The following IGF2R variants were observed in gnomAD, a reference collection of about 807,000 sequenced individuals.
The protein encoded by IGF2R is insulin like growth factor 2 receptor, also known as cation-independent mannose-6-phosphate receptor.
Under a neutral mutation model 270.6 loss-of-function variants are expected in IGF2R, and 91 were observed. The ratio of observed to expected loss-of-function variants is 0.34; its 90% CI spans 0.28 to 0.40. The LOEUF (loss-of-function observed/expected upper bound fraction) is 0.40, where lower values mean the gene tolerates loss of function less well. IGF2R is among the 10% of genes least tolerant of loss of function. IGF2R has a pLI of 1.00. For synonymous variants in IGF2R, 1,316 were observed against 1,258.9 expected, an observed-to-expected ratio of 1.05 and a Z score of -0.96; for missense variants, 2,805 against 3,188.3, an observed-to-expected ratio of 0.88 and a Z score of 2.90.
At chr6:159,981,161 T>C (rs1562331070) in intron 1 of IGF2R, among the ~76,000 whole-genome samples, 1 of 152,234 alleles carries the variant, frequency 6.6e-6, no homozygotes, top group Admixed American at 6.5e-5. Context: ...AGCTCTGGAC[T>C]CACCTGTCTC....
At position 160,111,042 on chromosome 6, in the gene IGF2R, A is replaced by G. The variant is rs1411880756; in HGVS notation, c.*5958A>G. On this transcript the variant is annotated 3_prime_UTR_variant, in exon 48 of 48. Transcript: ENST00000356956. ...ACTGCTTTGTGTATTTAAAATTTTC[A>G]GAGAGTAGATCTTGTGTTCTTTCCC... The G allele has an allele frequency of 1.3e-5, 2 of 152,220 alleles. No homozygotes were observed. Among genetic ancestry groups the G allele is most frequent in the African/African-American group, 4.8e-5 (2 of 41,458 alleles). The allele number at this position is 152,220 out of a possible 1,614,324, so 9.4% of individuals were successfully genotyped here.
intron 15 of IGF2R, among the ~76,000 whole-genome samples, 186 bp downstream of exon 15, chr6:160,046,831 C>T (rs2115247901): frequency 1.3e-5 from 2 of 152,344 alleles, no homozygotes; most frequent in South Asian, 4.1e-4. Flanking sequence ...GCAGGCCCAT[C>T]CTTGGGAAAG....
intron 1 of IGF2R, among the ~76,000 whole-genome samples, chr6:159,979,341 A>C (rs1783743655): frequency 6.6e-6 from 1 of 152,224 alleles, no homozygotes; most frequent in Admixed American, 6.5e-5. Flanking sequence ...GAAGTGCTAA[A>C]GTAGTGAGTT....
At position 160,012,765 on chromosome 6, in the gene IGF2R, T is replaced by TATA. The variant is rs1562343074; in HGVS notation, c.513+1980_513+1981insATA. ...CTAATTTATATATATATATATATAT[T>TATA]TTTTTTTTTTTTTGTTTGTTTGTTT... is the stretch of plus-strand genomic sequence containing the variant. On this transcript the variant is annotated intron_variant, in intron 4 of 47. Coordinates refer to ENST00000356956, the MANE Select transcript of IGF2R (RefSeq NM_000876.4). Among the ~76,000 whole-genome samples the TATA allele has an allele frequency of 2.3e-3, 179 of 76,554 alleles. 5 individuals are homozygous for TATA. Among genetic ancestry groups the TATA allele is most frequent in the East Asian group, 7.0e-3 (12 of 1,708 alleles). The allele number at this position is 76,554 out of a possible 152,430, so 50.2% of individuals were successfully genotyped here. A position where few individuals can be genotyped will look rare whatever the true frequency, so the allele number is the denominator to read the frequency against.
chr6:160,067,290 CAG>C (rs1168580108), intron 29 of IGF2R, among the ~76,000 whole-genome samples: 3 of 152,016 alleles, frequency 2.0e-5, no homozygotes, highest in African/African-American at 7.2e-5. Flanking sequence ...CCATTTCTCT[CAG>C]AGTCTATTCA....
rs1228404544 is a variant in IGF2R, at chr6:160,084,797, A to G, written c.6069-198A>G. ...CCACTCCGCGTGTGTCTGGTTGGTG[A>G]GCTCCCTTCTTCAGTGAAGACTTCT... On this transcript the variant is annotated intron_variant, in intron 40 of 47. Coordinates refer to ENST00000356956, the MANE Select transcript of IGF2R (RefSeq NM_000876.4). The surrounding 1 kb of genome is among the most constrained non-coding windows in gnomAD (Gnocchi z 4.6). Among the ~76,000 whole-genome samples, 1 of 149,474 alleles carries G rather than the reference A, an allele frequency of 6.7e-6. No homozygotes were observed.
At chr6:160,073,717 A>T (rs1484196102) in intron 34 of IGF2R, 40 bp from the exon 35 acceptor site, 1 of 1,561,560 alleles carries the variant, frequency 6.4e-7, no homozygotes, top group Non-Finnish European at 8.8e-7. Flanking sequence ...GATTAGGAAA[A>T]TTTTTTTGTA....
At position 160,075,966 on chromosome 6, in the gene IGF2R, C is replaced by A. The variant is rs770300617; in HGVS notation, c.5286C>A (p.Ile1762=). The change falls in exon 36 of 48, where the codon ATC becomes ATA. Residue 1762 remains isoleucine (I), a synonymous_variant. Transcript: ENST00000356956. Reference sequence around the variant, plus strand: ...AGCATTTCAACTACACCTCGCTCATCGCGTTTCACTGTAAGAGAGGTGTGA... The same window carrying A: ...AGCATTTCAACTACACCTCGCTCATAGCGTTTCACTGTAAGAGAGGTGTGA... ...ADKHFNYTSL[I]AFHCKRGVSM... 16 of 1,614,210 alleles carry A rather than the reference C, an allele frequency of 9.9e-6. No homozygotes were observed. Among genetic ancestry groups the A allele is most frequent in the East Asian group, 4.5e-5 (2 of 44,888 alleles).
chr6:160,046,581 G>A lies in IGF2R; in HGVS notation c.1987G>A (p.Val663Met). ...AAAGAAGTATGACTTTTATATAAAT[G>A]TGTGTGGCCCGGTGTCTGTGAGCCC... ...ETKKYDFYIN[V>M]CGPVSVSPCQ... The change falls in exon 15 of 48, where the codon GTG (valine) becomes ATG (methionine). Residue 663 changes from valine to methionine, a missense_variant. Val to Met is a conservative substitution (Grantham distance 21, BLOSUM62 1). Transcript: ENST00000356956. The A allele has an allele frequency of 6.2e-7, 1 of 1,614,044 alleles. No homozygotes were observed. Among genetic ancestry groups the A allele is most frequent in the Non-Finnish European group, 8.5e-7 (1 of 1,180,024 alleles).
intron 39 of IGF2R, among the ~76,000 whole-genome samples, chr6:160,081,615 G>A (rs1219284707): frequency 6.6e-6 from 1 of 152,240 alleles, no homozygotes; most frequent in Non-Finnish European, 1.5e-5. Context: ...CAGGAGGCCA[G>A]GGCGTGTTTC....
At chr6:160,049,626 T>G (rs1166380941) in intron 18 of IGF2R, among the ~76,000 whole-genome samples, 2 of 152,218 alleles carry the variant, frequency 1.3e-5, no homozygotes, top group Non-Finnish European at 2.9e-5. Flanking sequence ...AGAAGTTTCT[T>G]GCCTAGAATT....
At chr6:160,006,385 C>G (rs1338766271) in intron 2 of IGF2R, 1 of 152,460 alleles carries the variant, frequency 6.6e-6, no homozygotes. Flanking sequence ...CTCCCAGACA[C>G]GCCCACTGCG....
At chr6:160,076,919 G>T (rs1778866324) in intron 36 of IGF2R, among the ~76,000 whole-genome samples, 1 of 152,218 alleles carries the variant, frequency 6.6e-6, no homozygotes. Flanking sequence ...AGGAGTTCAG[G>T]TGATGGATTA....
chr6:160,104,562 C>T, intron 47 of IGF2R, 112 bp from the exon 48 acceptor site: 2 of 1,125,104 alleles, frequency 1.8e-6, no homozygotes, highest in South Asian at 1.5e-5. Flanking sequence ...GGACAGTGGG[C>T]CAGTTCTTCC....
rs924064868 is a variant in IGF2R at position 160,098,482 on chromosome 6, A to AT, written c.6842+1866dup. Among the ~76,000 whole-genome samples the AT allele has an allele frequency of 1.2e-4, 18 of 151,770 alleles. No individual in the cohort carries two copies. The South Asian group carries it at 1.3e-3, about 11-fold the overall frequency. On this transcript the variant is annotated intron_variant, in intron 45 of 47. Coordinates refer to ENST00000356956, the MANE Select transcript of IGF2R (RefSeq NM_000876.4). ...GGGGTGACGTGGAATAGTGCCTGAG[A>AT]TTTTTTTTTCCCCAAATGTTATCAG... is the stretch of plus-strand genomic sequence containing the variant.
intron 3 of IGF2R, 22 bp downstream of exon 3, chr6:160,009,156 A>T (rs1784293209): frequency 6.3e-7 from 1 of 1,591,150 alleles, no homozygotes; most frequent in African/African-American, 1.4e-5. Context: ...CAGGCACTTG[A>T]TGTATTTCTT....
In IGF2R at chr6:160,024,536, A is replaced by G. The variant is rs374655192; in HGVS notation, c.514-36A>G. On this transcript the variant is annotated intron_variant, in intron 4 of 47. Coordinates refer to ENST00000356956, the MANE Select transcript of IGF2R (RefSeq NM_000876.4). ...AAGCTTTTCTGATTGACCAAGATGT[A>G]TACTGAAGACTCACTTTTTTCTTCC... 12 of 1,608,842 alleles carry G rather than the reference A, an allele frequency of 7.5e-6. No individual in the cohort carries two copies. The African/African-American group carries it at 1.5e-4, about 20-fold the overall frequency.
At chr6:159,980,626 T>A (rs1215805901) in intron 1 of IGF2R, among the ~76,000 whole-genome samples, 1 of 152,200 alleles carries the variant, frequency 6.6e-6, no homozygotes, top group Non-Finnish European at 1.5e-5. Context: ...AACCACCACC[T>A]GGCGGTGGCC....
chr6:160,033,228 C>T (rs927535921), intron 9 of IGF2R, 121 bp downstream of exon 9: 2 of 651,932 alleles, frequency 3.1e-6, no homozygotes, highest in South Asian at 2.0e-5. Context: ...CCTTGACTTC[C>T]CTGCCTCAAG....
Sources: gnomAD v4.1 joint callset for allele counts (sites outside exome capture counted in the v4.1 genomes callset) on GRCh38, gnomAD v4.1.1 for gene constraint, Gnocchi (gnomAD v3.1) non-coding constraint, MANE v1.5 for transcripts, NCBI Gene and HGNC (gene_info 2026-07-23, HGNC 2026-07-21) for gene names.